DNTT: variants seen among roughly 807,000 people sequenced by gnomAD.
DNTT encodes the protein nucleosidetriphosphate:DNA deoxynucleotidylexotransferase.
In DNTT, 47 loss-of-function variants were observed where a neutral mutation model predicts 60.9. That is an observed-to-expected ratio of 0.77 (90% CI 0.61 to 0.98). DNTT has a LOEUF of 0.98. DNTT is among the 50% of genes least tolerant of loss of function. The pLI is 0.00. For missense variants in DNTT, 665 were observed against 627.5 expected, an observed-to-expected ratio of 1.06 and a Z score of -0.64; for synonymous variants, 224 against 221.2, an observed-to-expected ratio of 1.01 and a Z score of -0.11.
chr10:96,307,964 T>C (rs1320544159), intron 1 of DNTT, among the ~76,000 whole-genome samples: 1 of 151,812 alleles, frequency 6.6e-6, no homozygotes, highest in Non-Finnish European at 1.5e-5. Context: ...TCCGCCATGT[T>C]GCCCAGGCTG....
At chr10:96,323,919 T>A (rs1844909057) in intron 5 of DNTT, among the ~76,000 whole-genome samples, 1 of 152,178 alleles carries the variant, frequency 6.6e-6, no homozygotes, top group African/African-American at 2.4e-5. Flanking sequence ...AGCATGAGTG[T>A]CGGTGAGAGA....
intron 7 of DNTT, 79 bp downstream of exon 7, chr10:96,327,679 C>T: frequency 6.5e-7 from 1 of 1,536,916 alleles, no homozygotes; most frequent in Non-Finnish European, 8.7e-7. Context: ...TCTGAAACGG[C>T]ACAAAAGGCT....
intron 6 of DNTT, among the ~76,000 whole-genome samples, chr10:96,325,866 G>A (rs1844933559): frequency 6.6e-6 from 1 of 152,218 alleles, no homozygotes; most frequent in Non-Finnish European, 1.5e-5. Flanking sequence ...ACCTGATCCA[G>A]TTTTACTCAT....
intron 6 of DNTT, among the ~76,000 whole-genome samples, chr10:96,325,957 G>A (rs1432252123): frequency 6.6e-6 from 1 of 152,194 alleles, no homozygotes; most frequent in Non-Finnish European, 1.5e-5. Context: ...ATGAACTATA[G>A]CAGCACATAT....
At chr10:96,312,917 C>T (rs562729514) in intron 1 of DNTT, among the ~76,000 whole-genome samples, 8 of 152,116 alleles carry the variant, frequency 5.3e-5, no homozygotes, top group Non-Finnish European at 8.8e-5. Context: ...TCCAGTCTAC[C>T]GTCATCTTTT....
chr10:96,330,014 A>T (rs555626126), intron 8 of DNTT, among the ~76,000 whole-genome samples: 1 of 152,316 alleles, frequency 6.6e-6, no homozygotes, highest in South Asian at 2.1e-4. Context: ...AGGAAAAATA[A>T]AAGAACATGC....
chr10:96,308,587 T>TAC lies in DNTT; in HGVS notation c.203+3888_203+3889insCA, dbSNP rs763463441. 9.3e-4 allele frequency among the ~76,000 whole-genome samples: 141 copies of TAC among 152,282 alleles called. 1 individual carries two copies. Among genetic ancestry groups the TAC allele is most frequent in the Non-Finnish European group, 1.8e-3 (120 of 68,016 alleles). On this transcript the variant is annotated intron_variant, in intron 1 of 10. Coordinates refer to ENST00000371174, the MANE Select transcript of DNTT (RefSeq NM_004088.4). ...TATCAACCCTCCTCCATAAACACATTAGTGTCACTCGAGTCCATGTGAAGA... is the reference window on the plus strand; with the variant it reads ...TATCAACCCTCCTCCATAAACACATTACAGTGTCACTCGAGTCCATGTGAAGA...
chr10:96,320,938 GTCTCTCTC>G (rs57273993), intron 4 of DNTT, 150 bp downstream of exon 4: 8,064 of 542,964 alleles, frequency 0.015, 9 homozygotes, highest in East Asian at 0.072. Flanking sequence ...TCTCTCCTCT[GTCTCTCTC>G]TCTCTCTCTC....
In DNTT at chr10:96,332,710, G is replaced by A. The variant is rs1017710654; in HGVS notation, c.1359+114G>A. 4.5e-5 allele frequency: 67 copies of A among 1,483,084 alleles called. 2 individuals carry two copies. Among genetic ancestry groups the A allele is most frequent in the Non-Finnish European group, 9.1e-7 (1 of 1,103,412 alleles). 91.9% of individuals were successfully genotyped at this position (1,483,084 alleles called of 1,614,324 possible). A position where few individuals can be genotyped will look rare whatever the true frequency, so the allele number is the denominator to read the frequency against. Reference sequence around the variant, plus strand: ...ACAGGGGCTGGGTGACAGGGGAGGGGCCAGTACCCAGAAACCTCTAACTCA... The same window carrying A: ...ACAGGGGCTGGGTGACAGGGGAGGGACCAGTACCCAGAAACCTCTAACTCA... On this transcript the variant is annotated intron_variant, in intron 9 of 10. Coordinates refer to ENST00000371174, the MANE Select transcript of DNTT (RefSeq NM_004088.4).
intron 1 of DNTT, among the ~76,000 whole-genome samples, chr10:96,316,156 C>T (rs573234327): frequency 2.0e-5 from 3 of 152,258 alleles, no homozygotes; most frequent in South Asian, 2.1e-4. Context: ...CCCAAAGAGA[C>T]GCAACTTCCT....
intron 1 of DNTT, among the ~76,000 whole-genome samples, chr10:96,314,800 A>G (rs1844768949): frequency 6.6e-6 from 1 of 152,164 alleles, no homozygotes; most frequent in Non-Finnish European, 1.5e-5. Flanking sequence ...TGTGCCTACC[A>G]GAGTGTCTAG....
rs1234010355 is a variant in DNTT at position 96,338,271 on chromosome 10, A to G, written c.*47A>G. ...TTCCTATTCTTTTCAAGTTAAATAA[A>G]TTATGCTTCATATTAGTAAAAGATG... On this transcript the variant is annotated 3_prime_UTR_variant, in exon 11 of 11. Transcript: ENST00000371174. The G allele has an allele frequency of 2.6e-6, 4 of 1,549,532 alleles. No homozygotes were observed. The African/African-American group carries it at 4.1e-5, about 16-fold the overall frequency.
chr10:96,326,159 C>T (rs1212661467), intron 6 of DNTT, among the ~76,000 whole-genome samples: 1 of 151,208 alleles, frequency 6.6e-6, no homozygotes. Flanking sequence ...TATATCACTG[C>T]ATAAGCACAG....
chr10:96,308,624 A>G (rs67425977), intron 1 of DNTT, among the ~76,000 whole-genome samples: 18,865 of 152,236 alleles, frequency 0.12, 2,067 homozygotes, highest in East Asian at 0.54. Context: ...ACCACCAAAC[A>G]GGCATTGTGT....
intron 3 of DNTT, 74 bp from the exon 4 acceptor site, chr10:96,320,544 A>G: frequency 6.5e-7 from 1 of 1,540,618 alleles, no homozygotes. Context: ...AAGGAGAGCA[A>G]GAGGCGTTTG....
At chr10:96,336,306 T>G (rs1164362815) in intron 10 of DNTT, among the ~76,000 whole-genome samples, 3 of 152,092 alleles carry the variant, frequency 2.0e-5, no homozygotes, top group Non-Finnish European at 4.4e-5. Flanking sequence ...TCCCCAGAAA[T>G]CACAAATACT....
At chr10:96,307,736 C>CAT (rs1564868543) in intron 1 of DNTT, among the ~76,000 whole-genome samples, 2 of 90,764 alleles carry the variant, frequency 2.2e-5, no homozygotes, top group Non-Finnish European at 4.7e-5. Flanking sequence ...TATATATAAG[C>CAT]ATATATATGT....
At chr10:96,325,800 T>C (rs1343047196) in intron 6 of DNTT, among the ~76,000 whole-genome samples, 1 of 152,204 alleles carries the variant, frequency 6.6e-6, no homozygotes, top group Non-Finnish European at 1.5e-5. Flanking sequence ...CTTAGAATAC[T>C]GTGAAGGGTA....
chr10:96,328,039 G>C (rs1564873890), intron 7 of DNTT, among the ~76,000 whole-genome samples: 1 of 152,178 alleles, frequency 6.6e-6, no homozygotes, highest in Non-Finnish European at 1.5e-5. Flanking sequence ...TCTCCACTAA[G>C]TTTGTAGAGC....
Sources: gnomAD v4.1 joint callset for allele counts (sites outside exome capture counted in the v4.1 genomes callset) on GRCh38, gnomAD v4.1.1 for gene constraint, MANE v1.5 for transcripts, NCBI Gene and HGNC (gene_info 2026-07-23, HGNC 2026-07-21) for gene names.